The following FMN2 variants were observed in gnomAD, a reference collection of about 807,000 sequenced individuals.
FMN2 encodes formin 2, also known as formin-2.
FMN2 carries 51 observed loss-of-function variants against 142.3 expected under a neutral mutation model. The observed-to-expected ratio is 0.36, with a 90% CI of 0.29 to 0.45. The LOEUF is 0.45. Among genes scored for constraint, FMN2 ranks in the 20% least tolerant of loss-of-function variants. FMN2 has a pLI of 1.00. For synonymous variants in FMN2, 882 were observed against 869.8 expected (o/e 1.01, Z -0.25); for missense variants, 1,936 against 2,122.8 (o/e 0.91, Z 1.73).
intron 15 of FMN2, among the ~76,000 whole-genome samples, chr1:240,397,785 C>CAA (rs35826717): frequency 0.012 from 567 of 46,564 alleles, 37 homozygotes; most frequent in African/African-American, 0.04. Flanking sequence ...GACTCCTTCT[C>CAA]AAAAAAAAAA....
chr1:240,428,602 C>CAGATAG (rs1675037877), intron 15 of FMN2, among the ~76,000 whole-genome samples: 1 of 152,158 alleles, frequency 6.6e-6, no homozygotes, highest in Non-Finnish European at 1.5e-5. Flanking sequence ...ATATGACACT[C>CAGATAG]CAGGTTCATT....
At chr1:240,423,513 G>A (rs1204483611) in intron 15 of FMN2, among the ~76,000 whole-genome samples, 1 of 152,156 alleles carries the variant, frequency 6.6e-6, no homozygotes, top group Non-Finnish European at 1.5e-5. Flanking sequence ...TATGATCTTG[G>A]TTCTGCCTAT....
At chr1:240,273,660 A>AG (rs1669095764) in intron 7 of FMN2, among the ~76,000 whole-genome samples, 1 of 148,824 alleles carries the variant, frequency 6.7e-6, no homozygotes, top group African/African-American at 2.5e-5. Context: ...GGGGAAAGGC[A>AG]GAGGGGGCAG....
At chr1:240,214,561 A>G (rs975590356) in intron 6 of FMN2, among the ~76,000 whole-genome samples, 9 of 148,294 alleles carry the variant, frequency 6.1e-5, no homozygotes, top group South Asian at 4.2e-4. Context: ...AAAAAAAAAA[A>G]AAAAAGAAAA....
intron 16 of FMN2, among the ~76,000 whole-genome samples, chr1:240,444,689 C>G (rs1675745783): frequency 6.6e-6 from 1 of 152,220 alleles, no homozygotes; most frequent in East Asian, 1.9e-4. Flanking sequence ...AATGTTTATC[C>G]TTAGAAGGTT....
intron 6 of FMN2, among the ~76,000 whole-genome samples, chr1:240,233,347 T>C (rs1187227311): frequency 1.3e-5 from 2 of 149,404 alleles, no homozygotes. Context: ...ATCGCACCAC[T>C]GCACTCCAGC....
In FMN2 at chr1:240,254,185, A is replaced by G. The variant is rs547248621; in HGVS notation, c.4066-3760A>G. Among the ~76,000 whole-genome samples, 382 of 152,024 alleles carry G rather than the reference A, an allele frequency of 2.5e-3. 1 individual carries two copies. Among genetic ancestry groups the G allele is most frequent in the South Asian group, 0.022 (108 of 4,808 alleles). On this transcript the variant is annotated intron_variant, in intron 6 of 17. Transcript: ENST00000319653. ...TGGGCATCGTGCTGAGGGACGCAGTAGTAGTGGTGAGACAAGCCTTAGGCT... is the reference window on the plus strand; with the variant it reads ...TGGGCATCGTGCTGAGGGACGCAGTGGTAGTGGTGAGACAAGCCTTAGGCT...
intron 14 of FMN2, among the ~76,000 whole-genome samples, chr1:240,366,178 A>G (rs1157757298): frequency 5.3e-5 from 8 of 152,152 alleles, no homozygotes; most frequent in Non-Finnish European, 1.5e-5. Flanking sequence ...AGCCATATAC[A>G]CCCAGCTCAC....
At position 240,092,655 on chromosome 1, in the gene FMN2, C is replaced by T. The variant is rs1291393820; in HGVS notation, c.546C>T (p.Asp182=). The T allele has an allele frequency of 6.2e-7, 1 of 1,614,088 alleles. No individual in the cohort carries two copies. Among genetic ancestry groups the T allele is most frequent in the South Asian group, 1.1e-5 (1 of 91,088 alleles). Residue 182 remains aspartate, a synonymous_variant, in exon 1 of 18, where the codon GAC becomes GAT. Coordinates refer to ENST00000319653, the MANE Select transcript of FMN2 (RefSeq NM_020066.5). The part of the protein sequence containing the change: ...GQRTSSGSDT[D]IYSFHSATEQ... ...GGACCAGCTCGGGCTCGGACACGGA[C>T]ATCTATAGCTTCCATTCGGCTACGG...
intron 14 of FMN2, among the ~76,000 whole-genome samples, chr1:240,370,346 A>G (rs1369340323): frequency 1.3e-5 from 2 of 152,174 alleles, no homozygotes; most frequent in Non-Finnish European, 2.9e-5. Context: ...ATATATTTAA[A>G]TAATTTTACA....
chr1:240,171,353 CAG>C lies in FMN2; in HGVS notation c.1783-6562_1783-6561del, dbSNP rs1428406287. ...GATGTGATGGGAGCAGCCTAACAGG[CAG>C]AGAGAAGCGCCTCCTAGACCTTCAG... is the stretch of plus-strand genomic sequence containing the variant. On this transcript the variant is annotated intron_variant, in intron 2 of 17. Transcript: ENST00000319653. 4.9e-6 allele frequency: 3 copies of C among 606,198 alleles called. No individual in the cohort carries two copies. The African/African-American group carries it at 5.5e-5, about 11-fold the overall frequency. The allele number at this position is 606,198 out of a possible 1,614,324, so 37.6% of individuals were successfully genotyped here. A position where few individuals can be genotyped will look rare whatever the true frequency, so the allele number is the denominator to read the frequency against.
At chr1:240,150,671 A>AT (rs1663725386) in intron 2 of FMN2, among the ~76,000 whole-genome samples, 1 of 152,204 alleles carries the variant, frequency 6.6e-6, no homozygotes, top group African/African-American at 2.4e-5. Flanking sequence ...TTTAATGCTA[A>AT]TAGTCACCAC....
intron 2 of FMN2, among the ~76,000 whole-genome samples, chr1:240,159,252 G>T (rs988007438): frequency 4.0e-5 from 6 of 151,632 alleles, no homozygotes; most frequent in Non-Finnish European, 5.9e-5. Flanking sequence ...TCTCTGATAC[G>T]CTGGGGTTTA....
intron 7 of FMN2, among the ~76,000 whole-genome samples, chr1:240,263,158 T>C (rs1668687616): frequency 6.6e-6 from 1 of 152,134 alleles, no homozygotes; most frequent in African/African-American, 2.4e-5. Flanking sequence ...CAGATATATA[T>C]TACACTGGTA....
intron 1 of FMN2, among the ~76,000 whole-genome samples, chr1:240,119,715 C>A (rs1259002268): frequency 2.0e-5 from 3 of 152,120 alleles, no homozygotes; most frequent in Admixed American, 6.5e-5. Context: ...AAGTAGAGTT[C>A]CAGCAGGTCA....
At chr1:240,200,674 G>T (rs376846576) in intron 4 of FMN2, among the ~76,000 whole-genome samples, 1 of 152,082 alleles carries the variant, frequency 6.6e-6, no homozygotes, top group Non-Finnish European at 1.5e-5. Context: ...ATACAGGGCC[G>T]GTCGGGATTT....
chr1:240,324,942 A>G (rs562582752), intron 8 of FMN2, among the ~76,000 whole-genome samples: 470 of 152,294 alleles, frequency 3.1e-3, no homozygotes, highest in Admixed American at 6.4e-3. Flanking sequence ...CAAAAGCTTT[A>G]GGGATTGGCT....
intron 13 of FMN2, among the ~76,000 whole-genome samples, chr1:240,343,807 G>A (rs1445476826): frequency 3.9e-5 from 6 of 152,146 alleles, no homozygotes; most frequent in Admixed American, 3.9e-4. Context: ...AGACATAGAC[G>A]TACGTAGTGA....
At chr1:240,114,348 C>T (rs888576914) in intron 1 of FMN2, among the ~76,000 whole-genome samples, 1 of 152,156 alleles carries the variant, frequency 6.6e-6, no homozygotes, top group Non-Finnish European at 1.5e-5. Flanking sequence ...TGCAATCTGA[C>T]AGTTGAATTG....
Sources: gnomAD v4.1 joint callset for allele counts (sites outside exome capture counted in the v4.1 genomes callset) on GRCh38, gnomAD v4.1.1 for gene constraint, MANE v1.5 for transcripts, NCBI Gene and HGNC (gene_info 2026-07-23, HGNC 2026-07-21) for gene names.